Variants in P2RY6 observed in about 807,000 individuals in gnomAD.
P2RY6 encodes P2Y purinoceptor 6.
P2RY6 carries 19 observed loss-of-function variants against 16.3 expected under a neutral mutation model. The ratio of observed to expected loss-of-function variants is 1.16; its 90% CI spans 0.81 to 1.71. The LOEUF (loss-of-function observed/expected upper bound fraction) is 1.71. Among genes scored for constraint, P2RY6 ranks in the 40% most tolerant of loss-of-function variants. P2RY6 has a pLI of 0.00. For synonymous variants in P2RY6, 184 were observed against 201.5 expected, an observed-to-expected ratio of 0.91 and a Z score of 0.74; for missense variants, 389 against 455.5, an observed-to-expected ratio of 0.85 and a Z score of 1.33.
At chr11:73,291,422 G>C (rs537949550) in intron 1 of P2RY6, among the ~76,000 whole-genome samples, 1 of 152,158 alleles carries the variant, frequency 6.6e-6, no homozygotes, top group East Asian at 1.9e-4. Context: ...CAAAGGACTG[G>C]CTGCTGAGCT....
Position 73,297,250 on chromosome 11 carries a change from G to T in P2RY6, c.732G>T (p.Val244=). The change falls in exon 3 of 3, where the codon GTG becomes GTT. Residue 244 remains valine, a synonymous_variant. Transcript: ENST00000540124. ...RGKAARMAVV[V]AAAFAISFLP... is the part of the protein sequence containing the mutation. ...AGGCGGCCCGCATGGCCGTGGTGGT[G>T]GCTGCTGCCTTTGCCATCAGCTTCC... The T allele has an allele frequency of 1.2e-6, 2 of 1,605,206 alleles. No homozygotes were observed.
chr11:73,266,781 C>G (rs920843462), intron 1 of P2RY6, among the ~76,000 whole-genome samples: 3 of 152,078 alleles, frequency 2.0e-5, no homozygotes, highest in African/African-American at 4.8e-5. Flanking sequence ...GCCAGTGCAA[C>G]CTCGGGCACC....
At chr11:73,275,831 A>T (rs945651024) in intron 1 of P2RY6, among the ~76,000 whole-genome samples, 3 of 152,234 alleles carry the variant, frequency 2.0e-5, no homozygotes, top group African/African-American at 7.2e-5. Context: ...GGTGAGATTC[A>T]TGGAGGACTT....
chr11:73,280,830 G>A (rs1046899775), intron 1 of P2RY6, among the ~76,000 whole-genome samples: 3 of 152,180 alleles, frequency 2.0e-5, no homozygotes, highest in African/African-American at 7.2e-5. Flanking sequence ...AGAGTGGAGA[G>A]GTCAGCAGGG....
At chr11:73,279,682 G>T (rs1863679899) in intron 1 of P2RY6, among the ~76,000 whole-genome samples, 1 of 152,234 alleles carries the variant, frequency 6.6e-6, no homozygotes, top group South Asian at 2.1e-4. Flanking sequence ...GAGAAAAAGA[G>T]TGAGAGTCTT....
intron 1 of P2RY6, among the ~76,000 whole-genome samples, chr11:73,290,308 AAAGAAAG>A (rs1565170542): frequency 9.7e-4 from 39 of 40,100 alleles, no homozygotes; most frequent in East Asian, 2.6e-3. Context: ...GAAAGAAAAG[AAAGAAAG>A]AAAGAAAGAA....
In P2RY6 at chr11:73,284,895, A is replaced by G. The variant is rs1863907169; in HGVS notation, c.-120-10835A>G. ...ATGAGAGAGAGACAATAACCAATAA[A>G]TAAGTAGAACAGTGTATTAAAAGAT... On this transcript the variant is annotated intron_variant, in intron 1 of 2. Transcript: ENST00000540124. Among the ~76,000 whole-genome samples the G allele has an allele frequency of 3.3e-5, 5 of 152,362 alleles. No homozygotes were observed. In the South Asian group the frequency reaches 8.3e-4, roughly 25 times the overall value.
At chr11:73,273,232 C>A (rs1387728899) in intron 1 of P2RY6, among the ~76,000 whole-genome samples, 1 of 152,142 alleles carries the variant, frequency 6.6e-6, no homozygotes. Context: ...AGAAAACAGG[C>A]AGCCCAGCCC....
At chr11:73,269,604 T>A (rs566735778), upstream of P2RY6, among the ~76,000 whole-genome samples, 1 of 152,030 alleles carries the variant, frequency 6.6e-6, no homozygotes, top group East Asian at 1.9e-4. Context: ...GTGTACACAC[T>A]CCAGAGCCAC....
intron 1 of P2RY6, among the ~76,000 whole-genome samples, chr11:73,284,401 G>C (rs1362006122): frequency 6.6e-6 from 1 of 152,128 alleles, no homozygotes; most frequent in African/African-American, 2.4e-5. Flanking sequence ...GGGCCCTGGT[G>C]CAGAGGGAGT....
intron 1 of P2RY6, among the ~76,000 whole-genome samples, chr11:73,290,303 A>AAAGGAAAG (rs1260016714): frequency 1.8e-5 from 2 of 113,042 alleles, no homozygotes; most frequent in Non-Finnish European, 3.6e-5. Context: ...AGAAAGAAAG[A>AAAGGAAAG]AAAGAAAGAA....
intron 1 of P2RY6, among the ~76,000 whole-genome samples, chr11:73,288,674 C>A (rs1343125213): frequency 1.3e-5 from 2 of 152,190 alleles, no homozygotes; most frequent in Non-Finnish European, 2.9e-5. Context: ...AGAGGCTGCC[C>A]AGAGTCAGGA....
At chr11:73,282,784 G>T (rs1231217538) in intron 1 of P2RY6, among the ~76,000 whole-genome samples, 1 of 152,154 alleles carries the variant, frequency 6.6e-6, no homozygotes, top group African/African-American at 2.4e-5. Flanking sequence ...AGGGAGGGAG[G>T]AAGGGAGCAA....
chr11:73,286,607 C>T (rs960346310), intron 1 of P2RY6, among the ~76,000 whole-genome samples: 2 of 151,886 alleles, frequency 1.3e-5, no homozygotes, highest in African/African-American at 2.4e-5. Context: ...CAGGCAGCAC[C>T]GAGGACAGAG....
intron 1 of P2RY6, among the ~76,000 whole-genome samples, chr11:73,289,726 C>T (rs1053964924): frequency 2.6e-5 from 4 of 152,156 alleles, no homozygotes; most frequent in Admixed American, 6.5e-5. Context: ...ATCCAAGCTC[C>T]GATTTTGGGG....
Position 73,297,244 on chromosome 11 carries a change from G to T in P2RY6, c.726G>T (p.Val242=). ...ERRGKAARMA[V]VVAAAFAISF... Reference sequence around the variant, plus strand: ...GTGGCAAGGCGGCCCGCATGGCCGTGGTGGTGGCTGCTGCCTTTGCCATCA... The same window carrying T: ...GTGGCAAGGCGGCCCGCATGGCCGTTGTGGTGGCTGCTGCCTTTGCCATCA... The change falls in exon 3 of 3, where the codon GTG becomes GTT. Residue 242 remains valine, a synonymous_variant. Transcript: ENST00000540124. 6.2e-7 allele frequency: 1 copy of T among 1,604,610 alleles called. No homozygotes were observed. The highest frequency in any genetic ancestry group is 1.1e-5 in the South Asian group (1 of 91,058).
rs75866769 is a variant in P2RY6, at chr11:73,284,801, G to A, written c.-120-10929G>A. Among the ~76,000 whole-genome samples the A allele has an allele frequency of 3.3e-3, 508 of 151,988 alleles. 8 individuals carry two copies. Among genetic ancestry groups the A allele is most frequent in the African/African-American group, 0.011 (472 of 41,400 alleles). ...GAGAACCTACTATATGCCAGACACC[G>A]TCCTAAGTACATGCAGCAGTGAAAA... On this transcript the variant is annotated intron_variant, in intron 1 of 2. Transcript: ENST00000540124.
intron 2 of P2RY6, among the ~76,000 whole-genome samples, chr11:73,296,065 T>C (rs1864460854): frequency 1.3e-5 from 2 of 151,538 alleles, no homozygotes. Context: ...GCATTCCCCC[T>C]TTTCTCGGGT....
intron 1 of P2RY6, among the ~76,000 whole-genome samples, chr11:73,289,679 G>T (rs909002359): frequency 6.6e-6 from 1 of 152,218 alleles, no homozygotes; most frequent in Non-Finnish European, 1.5e-5. Flanking sequence ...TCAATGCAGG[G>T]AAGACCTAAC....
Sources: allele counts gnomAD v4.1 joint callset (sites outside exome capture counted in the v4.1 genomes callset), GRCh38; gene constraint gnomAD v4.1.1; transcripts MANE v1.5; gene names NCBI Gene and HGNC (gene_info 2026-07-23, HGNC 2026-07-21).